Variants in PDE4D observed in about 807,000 individuals in gnomAD.
The protein encoded by PDE4D is phosphodiesterase 4D, also known as 3',5'-cyclic-AMP phosphodiesterase 4D.
A neutral mutation model predicts 87.4 loss-of-function variants in PDE4D; 24 were observed. That is an observed-to-expected ratio of 0.27 (90% CI 0.20 to 0.39). The LOEUF (loss-of-function observed/expected upper bound fraction) is 0.39. Among genes scored for constraint, PDE4D ranks in the 10% least tolerant of loss-of-function variants. The pLI is 1.00. For synonymous variants in PDE4D, 384 were observed against 383.2 expected, an observed-to-expected ratio of 1.00 and a Z score of -0.02; for missense variants, 714 against 1,041.0, an observed-to-expected ratio of 0.69 and a Z score of 4.32.
intron 1 of PDE4D, among the ~76,000 whole-genome samples, chr5:60,392,191 T>C (rs185735746): frequency 6.6e-6 from 1 of 152,326 alleles, no homozygotes; most frequent in African/African-American, 2.4e-5. Context: ...CCTGAGTTTG[T>C]ACTGATGGTT....
chr5:60,503,067 T>G (rs1750166830), intron 1 of PDE4D, among the ~76,000 whole-genome samples: 3 of 152,120 alleles, frequency 2.0e-5, no homozygotes, highest in Non-Finnish European at 4.4e-5. Flanking sequence ...GCTACTGAAG[T>G]TGAGTATCAC....
chr5:59,313,180 A>G (rs1316597881), intron 1 of PDE4D, among the ~76,000 whole-genome samples: 3 of 152,142 alleles, frequency 2.0e-5, no homozygotes, highest in African/African-American at 7.2e-5. Flanking sequence ...CCTTTTAAAT[A>G]CAAGAACTGC....
intron 2 of PDE4D, among the ~76,000 whole-genome samples, chr5:60,002,118 T>TA (rs1231266747): frequency 3.3e-5 from 5 of 151,570 alleles, no homozygotes; most frequent in Non-Finnish European, 4.4e-5. Flanking sequence ...CTGAATGAAT[T>TA]AAAAAAAATC....
At chr5:60,107,427 G>C (rs1777110091) in intron 2 of PDE4D, among the ~76,000 whole-genome samples, 1 of 152,112 alleles carries the variant, frequency 6.6e-6, no homozygotes, top group Non-Finnish European at 1.5e-5. Flanking sequence ...TCTACCAGAG[G>C]TACAAGGAGG....
At chr5:59,027,789 T>A (rs1207768493) in intron 6 of PDE4D, among the ~76,000 whole-genome samples, 4 of 151,692 alleles carry the variant, frequency 2.6e-5, no homozygotes, top group Non-Finnish European at 4.4e-5. Context: ...AAATCAGCTA[T>A]TTTTTTTCAA....
At chr5:60,197,070 T>TAGATAGATAGATAGAC (rs1316937670) in intron 1 of PDE4D, among the ~76,000 whole-genome samples, 2,321 of 122,732 alleles carry the variant, frequency 0.019, 49 homozygotes, top group Admixed American at 0.021. Flanking sequence ...GATAGATAGA[T>TAGATAGATAGATAGAC]AGACAGTTAG....
intron 1 of PDE4D, among the ~76,000 whole-genome samples, chr5:60,417,629 G>C (rs1394430893): frequency 6.6e-6 from 1 of 152,166 alleles, no homozygotes; most frequent in Non-Finnish European, 1.5e-5. Context: ...GGTGGCAACA[G>C]GAATCTCAAC....
intron 1 of PDE4D, among the ~76,000 whole-genome samples, chr5:60,357,578 A>C (rs957753147): frequency 6.6e-6 from 1 of 152,180 alleles, no homozygotes; most frequent in African/African-American, 2.4e-5. Flanking sequence ...TTCAAAGACT[A>C]AACTTTTATG....
chr5:59,394,467 G>A (rs1234534445), intron 1 of PDE4D, among the ~76,000 whole-genome samples: 1 of 152,090 alleles, frequency 6.6e-6, no homozygotes, highest in Non-Finnish European at 1.5e-5. Flanking sequence ...TGTGTAAGAA[G>A]ATAATTAATG....
intron 5 of PDE4D, among the ~76,000 whole-genome samples, chr5:59,163,562 C>T (rs1399259455): frequency 2.6e-5 from 4 of 152,200 alleles, no homozygotes; most frequent in Non-Finnish European, 5.9e-5. Context: ...TGAGCCACCG[C>T]TCCTGGTCCT....
intron 1 of PDE4D, among the ~76,000 whole-genome samples, chr5:59,626,758 AAATT>A (rs941111814): frequency 2.6e-5 from 4 of 152,246 alleles, no homozygotes; most frequent in African/African-American, 9.6e-5. Context: ...TTGATTAAAT[AAATT>A]AAGGTAATAA....
At chr5:60,036,720 C>T (rs78716224) in intron 2 of PDE4D, among the ~76,000 whole-genome samples, 3,178 of 152,284 alleles carry the variant, frequency 0.021, 96 homozygotes, top group African/African-American at 0.073. Flanking sequence ...AGCCTGACTA[C>T]GGCACTTTGT....
At chr5:59,571,999 A>T (rs1006468311) in intron 1 of PDE4D, among the ~76,000 whole-genome samples, 2 of 152,156 alleles carry the variant, frequency 1.3e-5, no homozygotes, top group African/African-American at 2.4e-5. Context: ...CATTTTCATG[A>T]TTCTCATTTT....
At chr5:60,385,342 C>A (rs537638196) in intron 1 of PDE4D, among the ~76,000 whole-genome samples, 1 of 152,208 alleles carries the variant, frequency 6.6e-6, no homozygotes, top group African/African-American at 2.4e-5. Flanking sequence ...TTATACAAAA[C>A]CTGCTGCAGA....
chr5:60,128,935 T>G (rs1484619308), intron 2 of PDE4D, among the ~76,000 whole-genome samples: 2 of 152,210 alleles, frequency 1.3e-5, no homozygotes, highest in African/African-American at 4.8e-5. Flanking sequence ...TCAAACAGTA[T>G]AATGTTTTCA....
chr5:59,192,468 A>T (rs536233393), intron 3 of PDE4D, among the ~76,000 whole-genome samples: 11 of 152,276 alleles, frequency 7.2e-5, no homozygotes, highest in Non-Finnish European at 1.6e-4. Flanking sequence ...AGTTGGCAAG[A>T]GGCGGTGAAA....
chr5:59,699,883 G>C (rs918490015), intron 1 of PDE4D, among the ~76,000 whole-genome samples: 3 of 152,076 alleles, frequency 2.0e-5, no homozygotes, highest in Non-Finnish European at 2.9e-5. Flanking sequence ...CCATCTACTA[G>C]TTAGATCCAA....
chr5:60,361,734 G>A (rs1335668780), intron 1 of PDE4D, among the ~76,000 whole-genome samples: 3 of 152,116 alleles, frequency 2.0e-5, no homozygotes, highest in Non-Finnish European at 4.4e-5. Context: ...TTGAGATGGT[G>A]GATGCTCCAT....
intron 1 of PDE4D, among the ~76,000 whole-genome samples, chr5:59,344,563 T>A (rs1779322554): frequency 6.6e-6 from 1 of 152,048 alleles, no homozygotes; most frequent in South Asian, 2.1e-4. Flanking sequence ...CACACCCTAC[T>A]AATTTTTAAA....
Sources: gnomAD v4.1 joint callset for allele counts (sites outside exome capture counted in the v4.1 genomes callset) on GRCh38, gnomAD v4.1.1 for gene constraint, MANE v1.5 for transcripts, NCBI Gene and HGNC (gene_info 2026-07-23, HGNC 2026-07-21) for gene names.